Variants in EYS observed in about 807,000 individuals in gnomAD.
EYS encodes protein eyes shut homolog.
Under a neutral mutation model 282.1 loss-of-function variants are expected in EYS, and 250 were observed. The ratio of observed to expected loss-of-function variants is 0.89; its 90% CI spans 0.80 to 0.98. EYS has a LOEUF of 0.98. Among genes scored for constraint, EYS ranks in the 50% least tolerant of loss-of-function variants. EYS has a pLI of 0.00. For missense variants in EYS, 4,016 were observed against 3,709.0 expected, an observed-to-expected ratio of 1.08 and a Z score of -2.15; for synonymous variants, 1,355 against 1,282.9, an observed-to-expected ratio of 1.06 and a Z score of -1.20.
chr6:64,170,178 G>A (rs533790541), intron 31 of EYS, among the ~76,000 whole-genome samples: 1 of 152,166 alleles, frequency 6.6e-6, no homozygotes, highest in South Asian at 2.1e-4. Context: ...TCTCAAAAAA[G>A]AAAAATCATT....
At chr6:64,182,476 ACTC>A (rs1451773980) in intron 31 of EYS, among the ~76,000 whole-genome samples, 11 of 151,642 alleles carry the variant, frequency 7.3e-5, no homozygotes, top group Admixed American at 7.2e-4. Flanking sequence ...CAAGGGCATT[ACTC>A]CTCCATTCTC....
At chr6:65,279,165 G>C (rs549258519) in intron 12 of EYS, among the ~76,000 whole-genome samples, 1 of 151,912 alleles carries the variant, frequency 6.6e-6, no homozygotes, top group South Asian at 2.1e-4. Flanking sequence ...CTTCACCCTG[G>C]GCGACAGAGT....
At chr6:64,811,103 C>T (rs952356468) in intron 22 of EYS, among the ~76,000 whole-genome samples, 2 of 151,946 alleles carry the variant, frequency 1.3e-5, no homozygotes, top group Non-Finnish European at 2.9e-5. Context: ...AAAGCACTAC[C>T]TTCTATCCTA....
chr6:64,169,327 C>A (rs1013780398), intron 31 of EYS, among the ~76,000 whole-genome samples: 4 of 151,446 alleles, frequency 2.6e-5, no homozygotes, highest in Admixed American at 2.6e-4. Flanking sequence ...AGGCCTGATG[C>A]GTGATCAGAG....
chr6:65,417,513 T>C (rs983651172), intron 5 of EYS, among the ~76,000 whole-genome samples: 2 of 152,014 alleles, frequency 1.3e-5, no homozygotes, highest in Non-Finnish European at 2.9e-5. Flanking sequence ...ATTCCTCCAT[T>C]GTATGGATCT....
chr6:65,631,883 G>T (rs566548935), intron 2 of EYS, among the ~76,000 whole-genome samples: 2 of 152,212 alleles, frequency 1.3e-5, no homozygotes, highest in African/African-American at 4.8e-5. Context: ...GGAAAGAAAG[G>T]TTATAATTCA....
chr6:64,496,578 A>C (rs188763924), intron 26 of EYS, among the ~76,000 whole-genome samples: 71 of 152,098 alleles, frequency 4.7e-4, no homozygotes, highest in African/African-American at 1.7e-3. Context: ...CTTCTTAAGT[A>C]GAGTTCAGTC....
chr6:65,198,564 T>G (rs1411545699), intron 12 of EYS, among the ~76,000 whole-genome samples: 4 of 152,034 alleles, frequency 2.6e-5, no homozygotes, highest in Non-Finnish European at 5.9e-5. Flanking sequence ...ACATTAAGAT[T>G]GATACAATTT....
At chr6:65,430,297 A>G (rs2150383550) in intron 5 of EYS, among the ~76,000 whole-genome samples, 1 of 152,298 alleles carries the variant, frequency 6.6e-6, no homozygotes, top group Admixed American at 6.5e-5. Context: ...AAGAAAAACC[A>G]GACCGAACAC....
Position 64,671,745 on chromosome 6 carries a change from C to G in EYS, c.3444-45500G>C, listed in dbSNP as rs985441468. On this transcript the variant is annotated intron_variant, in intron 22 of 42. Coordinates refer to ENST00000503581, the MANE Select transcript of EYS (RefSeq NM_001142800.2). ...TAATAGAATTTAAAAAAAAACCAAA[C>G]ATAGTTTTAGAAGAGGGAGACACTC... Among the ~76,000 whole-genome samples, 3 of 152,030 alleles carry G rather than the reference C, an allele frequency of 2.0e-5. No homozygotes were observed. The South Asian group carries it at 6.2e-4, about 32-fold the overall frequency.
rs555367122 is a variant in EYS at position 65,179,905 on chromosome 6, C to T, written c.2023+115958G>A. ...TGGGATGCAAGGCTGGTTCAACATA[C>T]GCAAATCAATAAATGTAATCCAGCA... On this transcript the variant is annotated intron_variant, in intron 12 of 42. Coordinates refer to ENST00000503581, the MANE Select transcript of EYS (RefSeq NM_001142800.2). Among the ~76,000 whole-genome samples the T allele has an allele frequency of 8.0e-3, 1,210 of 152,008 alleles. 9 individuals carry two copies. The highest frequency in any genetic ancestry group is 0.012 in the South Asian group (59 of 4,814).
At chr6:65,666,341 T>G (rs1352488160) in intron 1 of EYS, among the ~76,000 whole-genome samples, 1 of 151,984 alleles carries the variant, frequency 6.6e-6, no homozygotes, top group East Asian at 1.9e-4. Context: ...AACAGGGACT[T>G]TGGAGCCAGA....
intron 35 of EYS, among the ~76,000 whole-genome samples, chr6:63,972,712 C>T (rs1766643101): frequency 6.6e-6 from 1 of 152,024 alleles, no homozygotes; most frequent in Admixed American, 6.6e-5. Flanking sequence ...CCTGACAGGC[C>T]CCGGTGTGTG....
At chr6:64,284,988 A>T (rs920139358) in intron 30 of EYS, among the ~76,000 whole-genome samples, 3 of 152,138 alleles carry the variant, frequency 2.0e-5, no homozygotes, top group Non-Finnish European at 4.4e-5. Context: ...CATGTCCTGG[A>T]GATACCTTCC....
chr6:65,112,916 G>C (rs1775254197), intron 12 of EYS, among the ~76,000 whole-genome samples: 1 of 151,910 alleles, frequency 6.6e-6, no homozygotes, highest in Non-Finnish European at 1.5e-5. Context: ...CCACTCTTAT[G>C]GTATGCAAAT....
chr6:64,346,197 A>C lies in EYS; in HGVS notation c.6079-39115T>G, dbSNP rs1582632699. 2.0e-5 allele frequency among the ~76,000 whole-genome samples: 3 copies of C among 152,256 alleles called. No homozygotes were observed. The South Asian group carries it at 6.2e-4, about 32-fold the overall frequency. The stretch of plus-strand genomic sequence containing the variant: ...CACCATTTGACCCAGCCATCCCATT[A>C]CTGGGTATCTACCCAAAGGATTATA... On this transcript the variant is annotated intron_variant, in intron 29 of 42. Transcript: ENST00000503581.
chr6:65,253,658 T>G (rs1767383746), intron 12 of EYS, among the ~76,000 whole-genome samples: 1 of 151,878 alleles, frequency 6.6e-6, no homozygotes, highest in Non-Finnish European at 1.5e-5. Flanking sequence ...AAAAGCAATT[T>G]GCATTGATTC....
chr6:65,119,544 T>C (rs1775465967), intron 12 of EYS, among the ~76,000 whole-genome samples: 1 of 151,624 alleles, frequency 6.6e-6, no homozygotes, highest in Non-Finnish European at 1.5e-5. Flanking sequence ...AATCTAGTAT[T>C]CCCAAGCACT....
intron 31 of EYS, among the ~76,000 whole-genome samples, chr6:64,167,956 A>T (rs1011391739): frequency 1.3e-5 from 2 of 152,186 alleles, no homozygotes; most frequent in Non-Finnish European, 2.9e-5. Context: ...CATTACTACT[A>T]CTATAATTCA....
Sources: gnomAD v4.1 joint callset for allele counts (sites outside exome capture counted in the v4.1 genomes callset) on GRCh38, gnomAD v4.1.1 for gene constraint, MANE v1.5 for transcripts, NCBI Gene and HGNC (gene_info 2026-07-23, HGNC 2026-07-21) for gene names.